Variants in RARB observed in about 807,000 individuals in gnomAD.
The protein encoded by RARB is retinoic acid receptor beta.
A neutral mutation model predicts 51.9 loss-of-function variants in RARB; 17 were observed. That is an observed-to-expected ratio of 0.33 (90% CI 0.22 to 0.49). The LOEUF (loss-of-function observed/expected upper bound fraction) is 0.49. Among genes scored for constraint, RARB ranks in the 20% least tolerant of loss-of-function variants. RARB has a pLI of 0.99. For synonymous variants in RARB, 215 were observed against 195.4 expected (o/e 1.10, Z -0.84); for missense variants, 369 against 550.8 (o/e 0.67, Z 3.30).
At chr3:25,168,173 T>C (rs971167710) in intron 4 of RARB, among the ~76,000 whole-genome samples, 1 of 152,176 alleles carries the variant, frequency 6.6e-6, no homozygotes, top group Admixed American at 6.5e-5. Flanking sequence ...GTCTATAATA[T>C]AGTAAGCAGA....
chr3:24,900,143 A>G (rs1375073880), intron 2 of RARB, among the ~76,000 whole-genome samples: 1 of 152,218 alleles, frequency 6.6e-6, no homozygotes, highest in Admixed American at 6.5e-5. Context: ...TGTTTTTCTT[A>G]TTAAGGAGAA....
intron 1 of RARB, among the ~76,000 whole-genome samples, chr3:25,433,093 A>T (rs1430050096): frequency 6.6e-6 from 1 of 152,226 alleles, no homozygotes; most frequent in Non-Finnish European, 1.5e-5. Flanking sequence ...GGAGTTTTTG[A>T]TGAAGGTTAA....
At chr3:25,302,681 G>T (rs1223594236) in intron 5 of RARB, among the ~76,000 whole-genome samples, 1 of 152,176 alleles carries the variant, frequency 6.6e-6, no homozygotes, top group East Asian at 1.9e-4. Flanking sequence ...TTAGATAGTG[G>T]TGATATTTGC....
At chr3:25,065,325 A>G (rs1698639976) in intron 3 of RARB, among the ~76,000 whole-genome samples, 1 of 152,192 alleles carries the variant, frequency 6.6e-6, no homozygotes. Context: ...CAAGTGTTAA[A>G]AAACTCGTTA....
intron 5 of RARB, among the ~76,000 whole-genome samples, chr3:25,198,921 A>C (rs1457145030): frequency 6.6e-6 from 1 of 152,152 alleles, no homozygotes; most frequent in Admixed American, 6.6e-5. Flanking sequence ...CATATGATCC[A>C]GCAATCCCAC....
chr3:25,130,437 G>T (rs1699927355), intron 3 of RARB, among the ~76,000 whole-genome samples: 1 of 152,032 alleles, frequency 6.6e-6, no homozygotes, highest in Non-Finnish European at 1.5e-5. Flanking sequence ...CTAAGGAGCT[G>T]TGTTCCTATA....
chr3:25,441,281 C>A, intron 1 of RARB: 2 of 406,180 alleles, frequency 4.9e-6, no homozygotes, highest in South Asian at 4.2e-5. Context: ...TAGCTGCGCT[C>A]TGGAAGCTCA....
chr3:24,961,257 A>T (rs1471442072), intron 2 of RARB, among the ~76,000 whole-genome samples: 1 of 152,240 alleles, frequency 6.6e-6, no homozygotes, highest in East Asian at 1.9e-4. Context: ...TGTGCCAGGT[A>T]CCCTGCTAGA....
chr3:25,319,614 G>A (rs916490082), intron 5 of RARB, among the ~76,000 whole-genome samples: 18 of 151,692 alleles, frequency 1.2e-4, no homozygotes, highest in African/African-American at 3.1e-4. Flanking sequence ...TAAGAATTCC[G>A]TTCAACATGA....
chr3:24,942,087 T>G (rs1695679731), intron 2 of RARB, among the ~76,000 whole-genome samples: 1 of 152,216 alleles, frequency 6.6e-6, no homozygotes, highest in Admixed American at 6.5e-5. Flanking sequence ...TTCACACATG[T>G]TTTCATTTAA....
At chr3:24,883,960 G>GT (rs1198387795) in intron 2 of RARB, among the ~76,000 whole-genome samples, 3 of 152,134 alleles carry the variant, frequency 2.0e-5, no homozygotes, top group African/African-American at 7.2e-5. Flanking sequence ...AAACCAGGTT[G>GT]TTTTGGGTAT....
intron 3 of RARB, among the ~76,000 whole-genome samples, chr3:25,124,141 A>G (rs979605610): frequency 6.6e-6 from 1 of 152,252 alleles, no homozygotes; most frequent in African/African-American, 2.4e-5. Flanking sequence ...TTGGGAGGCC[A>G]AGGTGGGTGG....
At chr3:25,015,703 G>C (rs1476415980) in intron 2 of RARB, among the ~76,000 whole-genome samples, 1 of 152,152 alleles carries the variant, frequency 6.6e-6, no homozygotes, top group Non-Finnish European at 1.5e-5. Context: ...ATTCCAAGGA[G>C]AGAGGCTATT....
chr3:25,197,005 C>T (rs1194244970), intron 5 of RARB, among the ~76,000 whole-genome samples: 1 of 152,022 alleles, frequency 6.6e-6, no homozygotes, highest in East Asian at 1.9e-4. Context: ...AATTTTCTCC[C>T]ATTCTGTAGG....
intron 2 of RARB, among the ~76,000 whole-genome samples, chr3:25,009,226 C>A (rs1697342457): frequency 6.6e-6 from 1 of 152,028 alleles, no homozygotes; most frequent in South Asian, 2.1e-4. Context: ...AAGAGAGAGG[C>A]CATGGGTGTG....
intron 5 of RARB, among the ~76,000 whole-genome samples, chr3:25,229,829 A>G (rs931302004): frequency 6.6e-6 from 1 of 152,090 alleles, no homozygotes; most frequent in South Asian, 2.1e-4. Context: ...ACAGTGTGAA[A>G]AAGTAAACAG....
intron 3 of RARB, among the ~76,000 whole-genome samples, chr3:25,525,940 G>A (rs546115175): frequency 4.4e-4 from 67 of 152,292 alleles, no homozygotes; most frequent in Non-Finnish European, 8.2e-4. Flanking sequence ...TAGGCTAGGG[G>A]GTGAGTGGTA....
intron 5 of RARB, among the ~76,000 whole-genome samples, chr3:25,592,533 G>C (rs933582594): frequency 6.6e-6 from 1 of 152,180 alleles, no homozygotes; most frequent in African/African-American, 2.4e-5. Flanking sequence ...GCTTAATAGG[G>C]CAGTGGAAAC....
At chr3:25,348,264 A>G (rs536121219) in intron 5 of RARB, among the ~76,000 whole-genome samples, 8 of 152,128 alleles carry the variant, frequency 5.3e-5, no homozygotes, top group Non-Finnish European at 8.8e-5. Context: ...GATATATAAA[A>G]CTAAAACATA....
Sources: gnomAD v4.1 joint callset for allele counts (sites outside exome capture counted in the v4.1 genomes callset) on GRCh38, gnomAD v4.1.1 for gene constraint, MANE v1.5 for transcripts, NCBI Gene and HGNC (gene_info 2026-07-23, HGNC 2026-07-21) for gene names.